The following NRXN1 variants were observed in gnomAD, a reference collection of about 807,000 sequenced individuals.
NRXN1 encodes neurexin 1, also known as neurexin-1.
NRXN1 carries 39 observed loss-of-function variants against 150.9 expected under a neutral mutation model. That is an observed-to-expected ratio of 0.26 (90% CI 0.20 to 0.34). The LOEUF is 0.34. Ranked by LOEUF, NRXN1 falls within the 10% of genes least tolerant of loss-of-function variation. The pLI is 1.00. For missense variants in NRXN1, 1,815 were observed against 1,949.9 expected (o/e 0.93, Z 1.30); for synonymous variants, 924 against 757.0 (o/e 1.22, Z -3.62).
At chr2:50,979,283 G>C (rs1696402038) in intron 2 of NRXN1, 1 of 517,936 alleles carries the variant, frequency 1.9e-6, no homozygotes, top group Non-Finnish European at 3.9e-6. Context: ...CAGCTGGAAG[G>C]AAGAGAGAAC....
intron 18 of NRXN1, among the ~76,000 whole-genome samples, chr2:50,171,763 C>T (rs957829340): frequency 6.6e-6 from 1 of 152,090 alleles, no homozygotes; most frequent in African/African-American, 2.4e-5. Context: ...AAGTGCAATA[C>T]AAAGCCAGTT....
At chr2:50,068,858 T>A (rs946911219) in intron 19 of NRXN1, among the ~76,000 whole-genome samples, 3 of 152,196 alleles carry the variant, frequency 2.0e-5, no homozygotes, top group Non-Finnish European at 4.4e-5. Flanking sequence ...GAATGAGTAA[T>A]GGCCAAAGAG....
At chr2:51,010,799 T>C (rs1667729866) in intron 2 of NRXN1, among the ~76,000 whole-genome samples, 1 of 150,640 alleles carries the variant, frequency 6.6e-6, no homozygotes, top group Admixed American at 6.6e-5. Flanking sequence ...TTCTGTGCTT[T>C]TTTTTTTTTT....
intron 21 of NRXN1, among the ~76,000 whole-genome samples, chr2:49,953,018 T>C (rs958793224): frequency 2.0e-5 from 3 of 152,130 alleles, no homozygotes; most frequent in Non-Finnish European, 4.4e-5. Context: ...ATCAAAGATG[T>C]AGAAGGAGCC....
intron 17 of NRXN1, among the ~76,000 whole-genome samples, chr2:50,439,173 G>A (rs2085705650): frequency 6.6e-6 from 1 of 152,212 alleles, no homozygotes. Context: ...AAGAGTTGCA[G>A]CTTGGAAACA....
intron 5 of NRXN1, among the ~76,000 whole-genome samples, chr2:50,818,088 T>C (rs1669180758): frequency 7.2e-6 from 1 of 139,224 alleles, no homozygotes; most frequent in African/African-American, 2.7e-5. Flanking sequence ...TGATTTTATA[T>C]GTAGAAAACC....
chr2:50,373,294 T>TTATTATTATTATTATTATTATTATTATTA, intron 17 of NRXN1, among the ~76,000 whole-genome samples: 1 of 140,396 alleles, frequency 7.1e-6, no homozygotes, highest in African/African-American at 2.7e-5. Flanking sequence ...TATTTTATTT[T>TTATTATTATTATTATTATTATTATTATTA]TTATTATTAT....
chr2:50,035,300 T>A (rs1365891871), intron 21 of NRXN1, among the ~76,000 whole-genome samples: 1 of 152,122 alleles, frequency 6.6e-6, no homozygotes, highest in Non-Finnish European at 1.5e-5. Context: ...GTTTTCTAAT[T>A]CTTACAAGCT....
At chr2:50,643,233 C>T (rs1684319909) in intron 5 of NRXN1, among the ~76,000 whole-genome samples, 1 of 151,904 alleles carries the variant, frequency 6.6e-6, no homozygotes, top group South Asian at 2.1e-4. Flanking sequence ...GCCACTTCAT[C>T]ACTTATTAGC....
intron 5 of NRXN1, chr2:50,918,261 C>A: frequency 5.8e-6 from 1 of 172,066 alleles, no homozygotes; most frequent in Non-Finnish European, 1.2e-5. Flanking sequence ...CCATTTGACT[C>A]TTTAAAATGG....
chr2:50,397,143 T>G (rs931248965), intron 17 of NRXN1, among the ~76,000 whole-genome samples: 1 of 152,038 alleles, frequency 6.6e-6, no homozygotes, highest in Admixed American at 6.6e-5. Context: ...CTACTCTACT[T>G]TTGGTGTCAT....
intron 16 of NRXN1, among the ~76,000 whole-genome samples, chr2:50,466,779 C>G (rs1434257671): frequency 1.3e-5 from 2 of 151,718 alleles, no homozygotes; most frequent in African/African-American, 4.8e-5. Context: ...TTGTATGTTT[C>G]CTCTCTTGGA....
At chr2:50,915,420 C>T (rs541162889) in intron 5 of NRXN1, among the ~76,000 whole-genome samples, 1 of 151,650 alleles carries the variant, frequency 6.6e-6, no homozygotes, top group South Asian at 2.1e-4. Flanking sequence ...ATCTGAAAAC[C>T]AGCATTTTAC....
chr2:49,953,077 A>G (rs962535869), intron 21 of NRXN1, among the ~76,000 whole-genome samples: 8 of 152,164 alleles, frequency 5.3e-5, no homozygotes, highest in Admixed American at 1.3e-4. Flanking sequence ...TTTCTCTGCT[A>G]CTGGGTAGTA....
intron 8 of NRXN1, among the ~76,000 whole-genome samples, chr2:50,596,001 T>G (rs1213226236): frequency 6.6e-6 from 1 of 152,242 alleles, no homozygotes; most frequent in African/African-American, 2.4e-5. Context: ...CTAAGAACAC[T>G]AACTTTGCAT....
intron 5 of NRXN1, among the ~76,000 whole-genome samples, chr2:50,775,109 C>T (rs566964070): frequency 2.0e-5 from 3 of 152,118 alleles, no homozygotes; most frequent in Admixed American, 1.3e-4. Context: ...TATAATTTGT[C>T]TCATGATAGC....
intron 5 of NRXN1, among the ~76,000 whole-genome samples, chr2:50,900,491 G>C (rs1682758250): frequency 6.6e-6 from 1 of 152,086 alleles, no homozygotes; most frequent in African/African-American, 2.4e-5. Flanking sequence ...CCTCTCACTT[G>C]GGTAAAATAT....
intron 2 of NRXN1, among the ~76,000 whole-genome samples, chr2:51,005,995 C>A (rs892893804): frequency 6.6e-6 from 1 of 151,466 alleles, no homozygotes; most frequent in Non-Finnish European, 1.5e-5. Context: ...GTCATACTTA[C>A]ATCAGACAAA....
intron 15 of NRXN1, among the ~76,000 whole-genome samples, chr2:50,483,784 G>A (rs2090659250): frequency 6.6e-6 from 1 of 152,202 alleles, no homozygotes. Flanking sequence ...GAGTAGAATA[G>A]ATAGAGGAGT....
Sources: gnomAD v4.1 joint callset for allele counts (sites outside exome capture counted in the v4.1 genomes callset) on GRCh38, gnomAD v4.1.1 for gene constraint, MANE v1.5 for transcripts, NCBI Gene and HGNC (gene_info 2026-07-23, HGNC 2026-07-21) for gene names.